Variants in ATP1B4 observed in about 807,000 individuals in gnomAD.
The protein encoded by ATP1B4 is protein ATP1B4.
ATP1B4 carries 32 observed loss-of-function variants against 29.6 expected under a neutral mutation model. The ratio of observed to expected loss-of-function variants is 1.08; its 90% CI spans 0.82 to 1.45. ATP1B4 has a LOEUF of 1.45. ATP1B4 is among the 40% of genes most tolerant of loss of function. ATP1B4 has a pLI of 0.00. For missense variants in ATP1B4, 323 were observed against 276.2 expected (o/e 1.17, Z -1.20); for synonymous variants, 127 against 102.1 (o/e 1.24, Z -1.47).
Position 120,374,792 on chromosome X carries a change from A to ACC in ATP1B4, c.563-578_563-577dup, listed in dbSNP as rs1243437786. Among the ~76,000 whole-genome samples the ACC allele has an allele frequency of 1.3e-3, 2 of 1,540 alleles. 1 individual carries two copies. Among genetic ancestry groups the ACC allele is most frequent in the Non-Finnish European group, 2.7e-3 (2 of 741 alleles). The allele number at this position is 1,540 out of a possible 115,157, so 1.3% of individuals were successfully genotyped here. A position where few individuals can be genotyped will look rare whatever the true frequency, so the allele number is the denominator to read the frequency against. ...TATATATAATATATATATATTATAT[A>ACC]CCCTTATATATATTATATTATATAT... is the stretch of plus-strand genomic sequence containing the variant. On this transcript the variant is annotated intron_variant, in intron 4 of 7. Transcript: ENST00000218008.
chrX:120,375,366 C>G lies in ATP1B4; in HGVS notation c.563-6C>G. 8.3e-7 allele frequency: 1 copy of G among 1,205,584 alleles called. No individual in the cohort carries two copies. Among genetic ancestry groups the G allele is most frequent in the Non-Finnish European group, 1.1e-6 (1 of 891,763 alleles). On this transcript the variant is annotated splice_region_variant and splice_polypyrimidine_tract_variant and intron_variant, in intron 4 of 7. Coordinates refer to ENST00000218008, the MANE Select transcript of ATP1B4 (RefSeq NM_001142447.3). ...CATAACCTGTTGCCACTCACACATG[C>G]TTTAGGTTATAATGACAGTCTTCAA...
chrX:120,373,031 C>A (rs1304886338), intron 4 of ATP1B4, among the ~76,000 whole-genome samples: 3 of 112,045 alleles, frequency 2.7e-5, no homozygotes, highest in African/African-American at 9.7e-5. Flanking sequence ...CCAATTCTGA[C>A]CTGATGATGA....
At chrX:120,377,947 C>T (rs5910851) in intron 6 of ATP1B4, among the ~76,000 whole-genome samples, 4,488 of 111,871 alleles carry the variant, frequency 0.04, 108 homozygotes, top group South Asian at 0.26. Context: ...TACTAGCCCC[C>T]AGACCTCTGC....
At chrX:120,366,475 C>T (rs759210850) in intron 1 of ATP1B4, 50 bp from the exon 2 acceptor site, 2 of 1,162,816 alleles carry the variant, frequency 1.7e-6, no homozygotes, top group African/African-American at 1.8e-5. Flanking sequence ...TGGGATGCAC[C>T]ATTGTACATT....
chrX:120,375,469 C>T lies in ATP1B4; in HGVS notation c.660C>T (p.Cys220=), dbSNP rs749405003. 10 of 1,208,773 alleles carry T rather than the reference C, an allele frequency of 8.3e-6. No homozygotes were observed. In the South Asian group the frequency reaches 8.8e-5, roughly 11 times the overall value. ...ATGAGGATGAGGACAAGAAGGCCTG[C>T]CAATTTAAGCGCTCCTTCCTAAAGA... is the stretch of plus-strand genomic sequence containing the variant. The part of the protein sequence containing the change: ...DGNEDEDKKA[C]QFKRSFLKNC... The change falls in exon 5 of 8, where the codon TGC becomes TGT. Residue 220 remains cysteine, a synonymous_variant. Transcript: ENST00000218008.
At position 120,379,964 on chromosome X, in the gene ATP1B4, G is replaced by T. The variant is rs1046820740; in HGVS notation, c.*330G>T. The T allele has an allele frequency of 7.5e-5, 11 of 147,532 alleles. No homozygotes were observed. Among genetic ancestry groups the T allele is most frequent in the East Asian group, 3.3e-4 (2 of 6,082 alleles). The allele number at this position is 147,532 out of a possible 1,213,427, so 12.2% of individuals were successfully genotyped here. On this transcript the variant is annotated 3_prime_UTR_variant, in exon 8 of 8. Coordinates refer to ENST00000218008, the MANE Select transcript of ATP1B4 (RefSeq NM_001142447.3). ...ACAATAGCCACGCAATAGCCATCAA[G>T]GAGAATTTCTATTATGATTATAAAT...
In ATP1B4 at chrX:120,381,788, A is replaced by C. The variant is rs781664930; in HGVS notation, c.*2154A>C. On this transcript the variant is annotated 3_prime_UTR_variant, in exon 8 of 8. Transcript: ENST00000218008. The stretch of plus-strand genomic sequence containing the variant: ...AGGGCACTTGGCAACCACTATGTGA[A>C]GGGTGATTGGAGAAGGACAAGACTG... 8.9e-6 allele frequency: 1 copy of C among 112,243 alleles called. No individual in the cohort carries two copies. Among genetic ancestry groups the C allele is most frequent in the African/African-American group, 3.2e-5 (1 of 30,895 alleles). The allele number at this position is 112,243 out of a possible 1,213,427, so 9.3% of individuals were successfully genotyped here. A position where few individuals can be genotyped will look rare whatever the true frequency, so the allele number is the denominator to read the frequency against.
At position 120,362,214 on chromosome X, in the gene ATP1B4, A is replaced by G. The variant is rs2058264393; in HGVS notation, c.46A>G (p.Ser16Gly). 4.1e-6 allele frequency: 5 copies of G among 1,209,051 alleles called. No homozygotes were observed. The highest frequency in any genetic ancestry group is 1.8e-5 in the African/African-American group (1 of 56,949). The change falls in exon 1 of 8, where the codon AGT becomes GGT. Residue 16 changes from serine to glycine, a missense_variant. Transcript: ENST00000218008. ...CAGAAGGGCTCCATCCTTTCCTTACAGTTATCGCTACAGACTCGTGAGTGC... is the reference window on the plus strand; with the variant it reads ...CAGAAGGGCTCCATCCTTTCCTTACGGTTATCGCTACAGACTCGTGAGTGC... Reference protein sequence around the residue: ...RSRRAPSFPYSYRYRLDDPDE... With the variant: ...RSRRAPSFPYGYRYRLDDPDE...
Position 120,376,369 on chromosome X carries a change from T to C in ATP1B4, c.760-11T>C, listed in dbSNP as rs1305781239. 4 of 1,208,726 alleles carry C rather than the reference T, an allele frequency of 3.3e-6. No individual in the cohort carries two copies. In the South Asian group the frequency reaches 7.1e-5, roughly 21 times the overall value. On this transcript the variant is annotated splice_polypyrimidine_tract_variant and intron_variant, in intron 5 of 7. Transcript: ENST00000218008. Reference sequence around the variant, plus strand: ...TTAAAAAAAAATAAAACACTGGTTTTCTTTTGATAGATTGTAGGCTTTCGT... The same window carrying C: ...TTAAAAAAAAATAAAACACTGGTTTCCTTTTGATAGATTGTAGGCTTTCGT...
Position 120,366,795 on chromosome X carries a change from T to C in ATP1B4, c.328+6T>C. On this transcript the variant is annotated splice_donor_region_variant and intron_variant, in intron 2 of 7. Transcript: ENST00000218008. The stretch of plus-strand genomic sequence containing the variant: ...CCGAACAGGTCAGAGTTGGAGTAAG[T>C]CCCAATAGTCCCAATGCCAAAGTCT... The C allele has an allele frequency of 8.3e-6, 10 of 1,200,177 alleles. No individual in the cohort carries two copies. The highest frequency in any genetic ancestry group is 1.1e-5 in the Non-Finnish European group (10 of 887,363).
At chrX:120,372,250 GA>G (rs3838205) in intron 4 of ATP1B4, among the ~76,000 whole-genome samples, 11,742 of 111,194 alleles carry the variant, frequency 0.11, 572 homozygotes, top group Non-Finnish European at 0.15. Flanking sequence ...TCTTTGTGGG[GA>G]AAAAAATGCC....
intron 2 of ATP1B4, among the ~76,000 whole-genome samples, chrX:120,369,867 G>T (rs1190227543): frequency 2.7e-5 from 3 of 112,423 alleles, no homozygotes; most frequent in Non-Finnish European, 5.6e-5. Context: ...TACAGACGAG[G>T]AAATTGAGGC....
intron 4 of ATP1B4, among the ~76,000 whole-genome samples, chrX:120,373,203 T>G (rs186424580): frequency 4.2e-4 from 47 of 112,387 alleles, no homozygotes; most frequent in Non-Finnish European, 7.5e-4. Context: ...CCATGTCACA[T>G]TATTTTTAAT....
intron 1 of ATP1B4, 64 bp from the exon 2 acceptor site, chrX:120,366,461 C>T: frequency 8.8e-7 from 1 of 1,130,314 alleles, no homozygotes; most frequent in Non-Finnish European, 1.2e-6. Flanking sequence ...TTATTTTTGG[C>T]TGGTGGGATG....
In ATP1B4 at chrX:120,379,647, G is replaced by T. The variant is rs773706678; in HGVS notation, c.*13G>T. The T allele has an allele frequency of 1.7e-6, 2 of 1,193,532 alleles. No individual in the cohort carries two copies. Among genetic ancestry groups the T allele is most frequent in the Non-Finnish European group, 2.3e-6 (2 of 887,282 alleles). On this transcript the variant is annotated 3_prime_UTR_variant, in exon 8 of 8. Transcript: ENST00000218008. ...CATAGAAACTTAAGAACTTCAGGGG[G>T]CCATTCTTACCAGTTCTGTTTCTGT...
At chrX:120,372,634 A>G (rs1198879402) in intron 4 of ATP1B4, among the ~76,000 whole-genome samples, 1 of 112,212 alleles carries the variant, frequency 8.9e-6, no homozygotes, top group Non-Finnish European at 1.9e-5. Flanking sequence ...ATCTCAGACC[A>G]CATTCTAGAC....
chrX:120,379,203 A>C (rs1025225066), intron 7 of ATP1B4, among the ~76,000 whole-genome samples: 1 of 111,722 alleles, frequency 9.0e-6, no homozygotes, highest in African/African-American at 3.3e-5. Flanking sequence ...TCATGGTCTG[A>C]TTTCCAGAAA....
At chrX:120,373,850 G>A (rs1164058836) in intron 4 of ATP1B4, among the ~76,000 whole-genome samples, 2 of 111,320 alleles carry the variant, frequency 1.8e-5, no homozygotes, top group Non-Finnish European at 3.8e-5. Context: ...GTTTTGCAGT[G>A]CTAACTTCCC....
In ATP1B4 at chrX:120,380,738, T is replaced by A. The variant is rs1001851228; in HGVS notation, c.*1104T>A. ...GGAAATTGAAATCATAATCTGTCAA[T>A]GAATACATGACAAGACAGAACGTTC... On this transcript the variant is annotated 3_prime_UTR_variant, in exon 8 of 8. Transcript: ENST00000218008. The A allele has an allele frequency of 8.9e-6, 1 of 112,206 alleles. No homozygotes were observed. Among genetic ancestry groups the A allele is most frequent in the Non-Finnish European group, 1.9e-5 (1 of 53,240 alleles). 9.2% of individuals were successfully genotyped at this position (112,206 alleles called of 1,213,427 possible).
Sources: gnomAD v4.1 joint callset for allele counts (sites outside exome capture counted in the v4.1 genomes callset) on GRCh38, gnomAD v4.1.1 for gene constraint, MANE v1.5 for transcripts, NCBI Gene and HGNC (gene_info 2026-07-23, HGNC 2026-07-21) for gene names.